SBF2: variants seen among roughly 807,000 people sequenced by gnomAD.
The protein encoded by SBF2 is myotubularin-related protein 13.
A neutral mutation model predicts 225.2 loss-of-function variants in SBF2; 112 were observed. The observed-to-expected ratio is 0.50, with a 90% CI of 0.43 to 0.58. The LOEUF (loss-of-function observed/expected upper bound fraction) is 0.58. SBF2 is among the 20% of genes least tolerant of loss of function. SBF2 has a pLI of 0.00. For synonymous variants in SBF2, 763 were observed against 773.3 expected, an observed-to-expected ratio of 0.99 and a Z score of 0.22; for missense variants, 1,996 against 2,206.2, an observed-to-expected ratio of 0.90 and a Z score of 1.91.
chr11:10,257,353 C>A (rs1960950574), intron 1 of SBF2, among the ~76,000 whole-genome samples: 1 of 152,172 alleles, frequency 6.6e-6, no homozygotes, highest in Non-Finnish European at 1.5e-5. Flanking sequence ...TAAGAAAGTT[C>A]TATGACCAAA....
chr11:10,203,103 C>T (rs1432726497), intron 1 of SBF2, among the ~76,000 whole-genome samples: 10 of 151,904 alleles, frequency 6.6e-5, no homozygotes, highest in Non-Finnish European at 2.9e-5. Context: ...CAAGGAAAAT[C>T]CAGAAGTCCT....
intron 1 of SBF2, among the ~76,000 whole-genome samples, chr11:10,251,958 G>A (rs1162446754): frequency 1.3e-5 from 2 of 152,134 alleles, no homozygotes; most frequent in Non-Finnish European, 2.9e-5. Context: ...ATTATGGGAG[G>A]CTAAAGTTTG....
chr11:9,840,976 C>T (rs1856094217), intron 25 of SBF2, among the ~76,000 whole-genome samples: 1 of 150,686 alleles, frequency 6.6e-6, no homozygotes, highest in Non-Finnish European at 1.5e-5. Context: ...AAAAAAAAAT[C>T]CATGTTAAAA....
intron 2 of SBF2, among the ~76,000 whole-genome samples, chr11:10,176,890 A>T (rs1956490408): frequency 6.6e-6 from 1 of 152,224 alleles, no homozygotes; most frequent in African/African-American, 2.4e-5. Flanking sequence ...CACAACCAAA[A>T]AAGAAAATTT....
chr11:10,040,147 A>G (rs1949598219), intron 3 of SBF2, among the ~76,000 whole-genome samples: 1 of 152,066 alleles, frequency 6.6e-6, no homozygotes, highest in Non-Finnish European at 1.5e-5. Context: ...ACAGTAGGAT[A>G]TTTGCATAGT....
chr11:10,287,286 T>C (rs185396403), intron 1 of SBF2, among the ~76,000 whole-genome samples: 4 of 152,300 alleles, frequency 2.6e-5, no homozygotes, highest in Admixed American at 1.3e-4. Flanking sequence ...TATCTATCTA[T>C]CTACCTATTT....
At chr11:10,011,124 A>G (rs564432377) in intron 6 of SBF2, among the ~76,000 whole-genome samples, 6 of 152,244 alleles carry the variant, frequency 3.9e-5, no homozygotes, top group African/African-American at 1.4e-4. Context: ...CATATAGTCT[A>G]TTTACCCACA....
chr11:10,216,532 C>T (rs899160849), intron 1 of SBF2, among the ~76,000 whole-genome samples: 5 of 152,230 alleles, frequency 3.3e-5, no homozygotes, highest in East Asian at 3.9e-4. Context: ...CTTTAAGGAA[C>T]GTAGAAGAAT....
At chr11:9,890,154 C>A (rs1860677257) in intron 17 of SBF2, among the ~76,000 whole-genome samples, 1 of 152,220 alleles carries the variant, frequency 6.6e-6, no homozygotes, top group Admixed American at 6.5e-5. Context: ...ATCCAACTGC[C>A]TCGGCCTCCC....
At chr11:10,017,705 C>T (rs1370806216) in intron 6 of SBF2, among the ~76,000 whole-genome samples, 1 of 152,122 alleles carries the variant, frequency 6.6e-6, no homozygotes, top group East Asian at 1.9e-4. Context: ...CTTATGAACA[C>T]AGACTCAACC....
Position 9,926,071 on chromosome 11 carries a change from G to A in SBF2, c.1861-30060C>T, listed in dbSNP as rs975951163. ...ACTGATATGTGGATCTTTCCCCTTT[G>A]ATTTTGTTATGAAACTGGGCTGTCT... On this transcript the variant is annotated intron_variant, in intron 16 of 39. Transcript: ENST00000256190. Among the ~76,000 whole-genome samples the A allele has an allele frequency of 2.0e-5, 3 of 152,322 alleles. No individual in the cohort carries two copies. The East Asian group carries it at 5.8e-4, about 29-fold the overall frequency.
chr11:9,835,335 C>A (rs1205095589), intron 26 of SBF2, among the ~76,000 whole-genome samples: 1 of 151,990 alleles, frequency 6.6e-6, no homozygotes, highest in Admixed American at 6.6e-5. Context: ...TTACCACTAT[C>A]CTGCCTGGCA....
intron 15 of SBF2, 57 bp from the exon 16 acceptor site, chr11:9,962,163 T>C (rs1165116796): frequency 6.6e-7 from 1 of 1,511,208 alleles, no homozygotes; most frequent in African/African-American, 1.4e-5. Flanking sequence ...AACAACAACT[T>C]TCAAACAATC....
intron 2 of SBF2, among the ~76,000 whole-genome samples, chr11:10,122,512 C>A (rs1252475834): frequency 6.6e-6 from 1 of 152,192 alleles, no homozygotes; most frequent in Non-Finnish European, 1.5e-5. Context: ...CTCACTTGTT[C>A]AACACCCTCA....
At chr11:10,179,898 A>G (rs532623429) in intron 2 of SBF2, among the ~76,000 whole-genome samples, 14 of 152,300 alleles carry the variant, frequency 9.2e-5, no homozygotes, top group Admixed American at 2.6e-4. Context: ...ATTCAAGGTT[A>G]CCATGAGGCT....
At chr11:10,191,975 C>T (rs767710455) in intron 2 of SBF2, among the ~76,000 whole-genome samples, 3 of 152,150 alleles carry the variant, frequency 2.0e-5, no homozygotes, top group Non-Finnish European at 4.4e-5. Context: ...AGGTGAGTCA[C>T]TGCTCATACT....
intron 16 of SBF2, among the ~76,000 whole-genome samples, chr11:9,931,987 C>A (rs895773201): frequency 6.7e-6 from 1 of 149,680 alleles, no homozygotes; most frequent in Non-Finnish European, 1.5e-5. Context: ...GACGCATGCA[C>A]AAGCTTCAAT....
intron 2 of SBF2, among the ~76,000 whole-genome samples, chr11:10,082,221 T>A (rs145578083): frequency 6.6e-6 from 1 of 152,014 alleles, no homozygotes; most frequent in Non-Finnish European, 1.5e-5. Context: ...ATTAGTGAGA[T>A]TGAACTAGTA....
At chr11:9,960,650 T>A (rs991135105) in intron 16 of SBF2, 1 of 146,616 alleles carries the variant, frequency 6.8e-6, no homozygotes, top group Admixed American at 7.2e-5. Context: ...AATTCTACAC[T>A]GTCTTAAATA....
Sources: allele counts gnomAD v4.1 joint callset (sites outside exome capture counted in the v4.1 genomes callset), GRCh38; gene constraint gnomAD v4.1.1; transcripts MANE v1.5; gene names NCBI Gene and HGNC (gene_info 2026-07-23, HGNC 2026-07-21).